Variants in ANKRD45 observed in about 807,000 individuals in gnomAD.
ANKRD45 encodes ankyrin repeat domain-containing protein 45.
In ANKRD45, 21 loss-of-function variants were observed where a neutral mutation model predicts 28.1. That is an observed-to-expected ratio of 0.75 (90% CI 0.53 to 1.08). The LOEUF is 1.08. Ranked by LOEUF, ANKRD45 falls within the 50% of genes least tolerant of loss-of-function variation. The pLI is 0.00. For synonymous variants in ANKRD45, 86 were observed against 103.9 expected, an observed-to-expected ratio of 0.83 and a Z score of 1.05; for missense variants, 261 against 308.7, an observed-to-expected ratio of 0.85 and a Z score of 1.16.
At chr1:173,643,948 T>C (rs1444864582) in intron 3 of ANKRD45, among the ~76,000 whole-genome samples, 1 of 152,214 alleles carries the variant, frequency 6.6e-6, no homozygotes, top group Non-Finnish European at 1.5e-5. Flanking sequence ...CGTTCCTCCT[T>C]AGCACAACCC....
chr1:173,659,042 T>A (rs1669667242), intron 2 of ANKRD45, 49 bp downstream of exon 2: 2 of 1,578,424 alleles, frequency 1.3e-6, no homozygotes, highest in East Asian at 4.5e-5. Flanking sequence ...TTACATTGCA[T>A]CTTTAGGTAG....
At chr1:173,672,601 T>G (rs12088388), upstream of ANKRD45, among the ~76,000 whole-genome samples, 51 of 152,292 alleles carry the variant, frequency 3.3e-4, no homozygotes, top group African/African-American at 1.2e-3. Flanking sequence ...AATGCTAATA[T>G]TAGAAAGGTA....
At chr1:173,622,723 A>G (rs1667758304) in intron 5 of ANKRD45, among the ~76,000 whole-genome samples, 1 of 152,230 alleles carries the variant, frequency 6.6e-6, no homozygotes, top group Non-Finnish European at 1.5e-5. Context: ...AATCAAGGCA[A>G]TACCATTCAG....
chr1:173,696,178 T>A, the ANKRD45 span, among the ~76,000 whole-genome samples: 1 of 152,162 alleles, frequency 6.6e-6, no homozygotes, highest in Non-Finnish European at 1.5e-5. Context: ...ACACCCAGCT[T>A]TAAAATTTCT....
chr1:173,615,068 C>T (rs1667400922), intron 5 of ANKRD45, among the ~76,000 whole-genome samples: 1 of 152,136 alleles, frequency 6.6e-6, no homozygotes, highest in Non-Finnish European at 1.5e-5. Context: ...ATCCACCCGC[C>T]TCAGCCTCCC....
chr1:173,612,350 AG>A lies in ANKRD45; in HGVS notation c.731-2136del, dbSNP rs569546850. Reference sequence around the variant, plus strand: ...AAGGAAGGAAGGAAGGAAGGAAGGAAGGAAGGAAGGAAAAGTTTCTTCCCTT... The same window carrying A: ...AAGGAAGGAAGGAAGGAAGGAAGGAAGAAGGAAGGAAAAGTTTCTTCCCTT... On this transcript the variant is annotated intron_variant, in intron 5 of 5. Coordinates refer to ENST00000333279, the MANE Select transcript of ANKRD45 (RefSeq NM_198493.3). 1.2e-3 allele frequency among the ~76,000 whole-genome samples: 178 copies of A among 151,720 alleles called. 2 individuals are homozygous for A. Among genetic ancestry groups the A allele is most frequent in the African/African-American group, 4.1e-3 (170 of 41,368 alleles).
chr1:173,625,194 G>C (rs898878284), intron 4 of ANKRD45, among the ~76,000 whole-genome samples: 2 of 151,596 alleles, frequency 1.3e-5, no homozygotes, highest in African/African-American at 4.9e-5. Flanking sequence ...CTATTATATT[G>C]GACAGTGCAG....
intron 5 of ANKRD45, among the ~76,000 whole-genome samples, chr1:173,617,385 G>A (rs894304183): frequency 1.3e-5 from 2 of 152,216 alleles, no homozygotes; most frequent in African/African-American, 4.8e-5. Flanking sequence ...TTCCCAGAGG[G>A]TAGAGGCAGG....
the ANKRD45 span, among the ~76,000 whole-genome samples, chr1:173,685,707 G>A: frequency 1.9e-4 from 29 of 152,126 alleles, no homozygotes; most frequent in African/African-American, 6.0e-4. Context: ...TTTGGAAGAA[G>A]GCTTAGAGGA....
chr1:173,624,455 C>T (rs1031719858), intron 5 of ANKRD45, among the ~76,000 whole-genome samples: 4 of 151,302 alleles, frequency 2.6e-5, no homozygotes, highest in Admixed American at 1.3e-4. Flanking sequence ...CCACTGCACC[C>T]CAGCCTGGGT....
At chr1:173,652,525 G>A (rs571457319) in intron 2 of ANKRD45, among the ~76,000 whole-genome samples, 13 of 152,172 alleles carry the variant, frequency 8.5e-5, no homozygotes, top group East Asian at 1.9e-4. Context: ...TTTTCACATC[G>A]ATGTTCATCA....
intron 3 of ANKRD45, among the ~76,000 whole-genome samples, chr1:173,633,424 G>C (rs1668280884): frequency 6.6e-6 from 1 of 151,926 alleles, no homozygotes; most frequent in Admixed American, 6.6e-5. Context: ...ACTACCCAAA[G>C]CAATGTACAG....
At chr1:173,702,794 T>G in the ANKRD45 span, among the ~76,000 whole-genome samples, 3 of 147,690 alleles carry the variant, frequency 2.0e-5, no homozygotes, top group East Asian at 6.2e-4. Flanking sequence ...CAATCACAGC[T>G]CACTATAACC....
Position 173,639,119 on chromosome 1 carries a change from G to A in ANKRD45, c.496+7727C>T, listed in dbSNP as rs868047820. Among the ~76,000 whole-genome samples the A allele has an allele frequency of 2.4e-4, 36 of 152,296 alleles. No homozygotes were observed. The Middle Eastern group carries it at 0.017, about 72-fold the overall frequency. ...ACATTTGCAGAACAAAGAAGGAACTGTTTATACTGATTCTAAGTATGCCTT... is the reference window on the plus strand; with the variant it reads ...ACATTTGCAGAACAAAGAAGGAACTATTTATACTGATTCTAAGTATGCCTT... On this transcript the variant is annotated intron_variant, in intron 3 of 5. Coordinates refer to ENST00000333279, the MANE Select transcript of ANKRD45 (RefSeq NM_198493.3).
intron 2 of ANKRD45, among the ~76,000 whole-genome samples, chr1:173,649,339 G>C (rs1669075873): frequency 1.3e-5 from 2 of 152,076 alleles, no homozygotes; most frequent in Admixed American, 1.3e-4. Context: ...CAGAGTGAAG[G>C]AATTCCCATT....
chr1:173,621,341 G>A (rs1667693139), intron 5 of ANKRD45, among the ~76,000 whole-genome samples: 1 of 152,186 alleles, frequency 6.6e-6, no homozygotes, highest in Non-Finnish European at 1.5e-5. Context: ...AAACCTGGCA[G>A]AGATACAACA....
At chr1:173,708,653 T>C in the ANKRD45 span, among the ~76,000 whole-genome samples, 3 of 152,244 alleles carry the variant, frequency 2.0e-5, no homozygotes, top group Admixed American at 2.0e-4. Context: ...GTTATCTTTA[T>C]GAAATTGAGT....
the ANKRD45 span, among the ~76,000 whole-genome samples, chr1:173,701,950 A>G: frequency 9.2e-5 from 14 of 152,348 alleles, no homozygotes; most frequent in East Asian, 2.5e-3. Flanking sequence ...AAAATCAAAG[A>G]TAACTAGAAA....
At chr1:173,632,845 A>G (rs993776732) in intron 3 of ANKRD45, among the ~76,000 whole-genome samples, 1 of 152,118 alleles carries the variant, frequency 6.6e-6, no homozygotes, top group African/African-American at 2.4e-5. Context: ...TAGTAGGAAC[A>G]TACATCAACA....
Sources: allele counts gnomAD v4.1 joint callset (sites outside exome capture counted in the v4.1 genomes callset), GRCh38; gene constraint gnomAD v4.1.1; transcripts MANE v1.5; gene names NCBI Gene and HGNC (gene_info 2026-07-23, HGNC 2026-07-21).